Variants in LAMP5 observed in about 807,000 individuals in gnomAD.
The protein encoded by LAMP5 is lysosome-associated membrane glycoprotein 5.
LAMP5 carries 36 observed loss-of-function variants against 30.2 expected under a neutral mutation model. The ratio of observed to expected loss-of-function variants is 1.19; its 90% CI spans 0.91 to 1.57. The LOEUF (loss-of-function observed/expected upper bound fraction) is 1.57, where lower values mean the gene tolerates loss of function less well. LAMP5 is among the 40% of genes most tolerant of loss of function. LAMP5 has a pLI of 0.00. For missense variants in LAMP5, 377 were observed against 354.9 expected, an observed-to-expected ratio of 1.06 and a Z score of -0.50; for synonymous variants, 149 against 134.6, an observed-to-expected ratio of 1.11 and a Z score of -0.74.
intron 5 of LAMP5, among the ~76,000 whole-genome samples, chr20:9,522,867 C>T (rs1450324956): frequency 6.6e-6 from 1 of 151,880 alleles, no homozygotes; most frequent in East Asian, 1.9e-4. Flanking sequence ...CTGAAACTTT[C>T]AGTCTAGTGG....
At chr20:9,523,770 C>T (rs1463310047) in intron 5 of LAMP5, among the ~76,000 whole-genome samples, 1 of 152,036 alleles carries the variant, frequency 6.6e-6, no homozygotes, top group Non-Finnish European at 1.5e-5. Flanking sequence ...TCAGGGAGGT[C>T]TGAAGCCAGA....
chr20:9,520,669 G>A (rs989214007), intron 5 of LAMP5, among the ~76,000 whole-genome samples: 2 of 152,006 alleles, frequency 1.3e-5, no homozygotes, highest in Non-Finnish European at 1.5e-5. Context: ...TTCCTGTGAA[G>A]AGTCTATTCC....
At chr20:9,515,319 G>A in intron 1 of LAMP5, 134 bp from the exon 2 acceptor site, 1 of 709,632 alleles carries the variant, frequency 1.4e-6, no homozygotes, top group Non-Finnish European at 2.3e-6. Context: ...TTAGAGAAAC[G>A]GCTCGTAGAG....
Position 9,516,102 on chromosome 20 carries a change from G to T in LAMP5, c.340G>T (p.Ala114Ser), listed in dbSNP as rs766236127. ...GCTGCAAGTGTTCTGGGTGGATCGC[G>T]CATATGCACTCAAAATGCTCTTTGT... Reference protein sequence around the residue: ...SELQVFWVDRAYALKMLFVKE... With the variant: ...SELQVFWVDRSYALKMLFVKE... The change falls in exon 3 of 6, where the codon GCA becomes TCA. Residue 114 changes from alanine (A) to serine (S), a missense_variant. Physicochemically the swap from Ala to Ser is moderately conservative, Grantham distance 99. Transcript: ENST00000246070. 5 of 1,551,144 alleles carry T rather than the reference G, an allele frequency of 3.2e-6. No individual in the cohort carries two copies. Among genetic ancestry groups the T allele is most frequent in the East Asian group, 2.2e-5 (1 of 44,462 alleles).
intron 4 of LAMP5, among the ~76,000 whole-genome samples, chr20:9,517,822 T>C (rs541026187): frequency 1.3e-5 from 2 of 152,084 alleles, no homozygotes; most frequent in East Asian, 1.9e-4. Flanking sequence ...AAAAAAGGAG[T>C]TCCAAATTAA....
At chr20:9,518,915 T>C (rs1051362820) in intron 5 of LAMP5, among the ~76,000 whole-genome samples, 2 of 151,660 alleles carry the variant, frequency 1.3e-5, no homozygotes, top group African/African-American at 4.8e-5. Flanking sequence ...GAAGGGTACC[T>C]GAAGGCTGAG....
intron 5 of LAMP5, 106 bp from the exon 6 acceptor site, chr20:9,529,536 C>A: frequency 1.7e-6 from 2 of 1,184,772 alleles, no homozygotes; most frequent in Non-Finnish European, 2.4e-6. Context: ...AGTCCCAAAG[C>A]TTCCTTGAGA....
chr20:9,520,596 TGTG>T (rs1568944058), intron 5 of LAMP5, among the ~76,000 whole-genome samples: 4 of 151,958 alleles, frequency 2.6e-5, no homozygotes, highest in African/African-American at 9.7e-5. Flanking sequence ...TGTGTGTGTG[TGTG>T]TGTGTGTTTG....
rs1232289272 is a variant in LAMP5, at chr20:9,529,872, GAAC to G, written c.*58_*60del. The G allele has an allele frequency of 1.1e-5, 17 of 1,565,980 alleles. No individual in the cohort carries two copies. Among genetic ancestry groups the G allele is most frequent in the Non-Finnish European group, 1.2e-5 (14 of 1,142,974 alleles). ...CCTGCTCCCCCAACTGGATCAGGTA[GAAC>G]AACAAAAGCACTTTTCCATCTTGTA... On this transcript the variant is annotated 3_prime_UTR_variant, in exon 6 of 6. Coordinates refer to ENST00000246070, the MANE Select transcript of LAMP5 (RefSeq NM_012261.4).
At chr20:9,515,969 C>G in intron 2 of LAMP5, 31 bp from the exon 3 acceptor site, 1 of 1,478,826 alleles carries the variant, frequency 6.8e-7, no homozygotes, top group South Asian at 1.5e-5. Context: ...GCCGGGCGAG[C>G]TGAGGGGGCG....
At chr20:9,520,621 G>A (rs759321309) in intron 5 of LAMP5, among the ~76,000 whole-genome samples, 5 of 151,882 alleles carry the variant, frequency 3.3e-5, no homozygotes, top group Non-Finnish European at 4.4e-5. Context: ...GTGTTCATGT[G>A]TTTGGACCGT....
chr20:9,525,716 C>T (rs1013534353), intron 5 of LAMP5, among the ~76,000 whole-genome samples: 13 of 152,134 alleles, frequency 8.5e-5, no homozygotes, highest in Admixed American at 5.9e-4. Flanking sequence ...GGTGCCCCAT[C>T]CCCAGATTCT....
At chr20:9,519,357 T>C (rs1265781978) in intron 5 of LAMP5, among the ~76,000 whole-genome samples, 2 of 152,234 alleles carry the variant, frequency 1.3e-5, no homozygotes, top group East Asian at 3.8e-4. Context: ...CCAAGGCATC[T>C]AGCTTTCATA....
intron 5 of LAMP5, among the ~76,000 whole-genome samples, chr20:9,528,752 G>C (rs779091647): frequency 2.6e-5 from 4 of 152,090 alleles, no homozygotes; most frequent in Non-Finnish European, 4.4e-5. Flanking sequence ...AAGTTCCCTT[G>C]TTTTCCTTTC....
At chr20:9,528,860 C>T (rs2045131659) in intron 5 of LAMP5, among the ~76,000 whole-genome samples, 1 of 152,158 alleles carries the variant, frequency 6.6e-6, no homozygotes, top group Admixed American at 6.5e-5. Flanking sequence ...GTATACACTC[C>T]TTGTGTCTGG....
chr20:9,525,402 A>G (rs764299656), intron 5 of LAMP5, among the ~76,000 whole-genome samples: 6 of 152,142 alleles, frequency 3.9e-5, no homozygotes, highest in African/African-American at 1.4e-4. Context: ...ACTCACAGCA[A>G]CCCTGTAAAT....
At chr20:9,519,847 A>G (rs1386532941) in intron 5 of LAMP5, among the ~76,000 whole-genome samples, 4 of 152,322 alleles carry the variant, frequency 2.6e-5, no homozygotes, top group South Asian at 2.1e-4. Context: ...CACTGGTGCT[A>G]TAATTGCTGC....
chr20:9,517,484 G>A (rs549761532), intron 4 of LAMP5, among the ~76,000 whole-genome samples: 5 of 152,058 alleles, frequency 3.3e-5, no homozygotes, highest in Middle Eastern at 3.4e-3. Context: ...GTCCACCAGG[G>A]TGGAGGGCAG....
chr20:9,524,595 T>TAAAAAAAA (rs748114210), intron 5 of LAMP5, among the ~76,000 whole-genome samples: 79 of 80,836 alleles, frequency 9.8e-4, no homozygotes, highest in African/African-American at 2.3e-3. Context: ...CAGATCGAAC[T>TAAAAAAAA]AAAAAAAAAA....
Sources: gnomAD v4.1 joint callset for allele counts (sites outside exome capture counted in the v4.1 genomes callset) on GRCh38, gnomAD v4.1.1 for gene constraint, MANE v1.5 for transcripts, NCBI Gene and HGNC (gene_info 2026-07-23, HGNC 2026-07-21) for gene names.